The following NEURL1 variants were observed in gnomAD, a reference collection of about 807,000 sequenced individuals.
NEURL1 encodes E3 ubiquitin-protein ligase NEURL1.
A neutral mutation model predicts 41.2 loss-of-function variants in NEURL1; 26 were observed. That is an observed-to-expected ratio of 0.63 (90% CI 0.46 to 0.87). NEURL1 has a LOEUF of 0.87. NEURL1 is among the 40% of genes least tolerant of loss of function. The pLI, the probability that NEURL1 is intolerant of heterozygous loss-of-function variation, is 0.00. For synonymous variants in NEURL1, 400 were observed against 402.3 expected, an observed-to-expected ratio of 0.99 and a Z score of 0.07; for missense variants, 761 against 871.1, an observed-to-expected ratio of 0.87 and a Z score of 1.59.
intron 1 of NEURL1, among the ~76,000 whole-genome samples, chr10:103,510,367 C>T (rs1041351872): frequency 1.3e-5 from 2 of 152,234 alleles, no homozygotes; most frequent in African/African-American, 4.8e-5. Flanking sequence ...AGGACTCAGG[C>T]TGCCCTGGGC....
chr10:103,561,001 C>T (rs1298481150), intron 1 of NEURL1, among the ~76,000 whole-genome samples: 10 of 152,306 alleles, frequency 6.6e-5, no homozygotes, highest in East Asian at 3.9e-4. Flanking sequence ...TAGGTGCCTC[C>T]GGCTTCATGT....
intron 1 of NEURL1, among the ~76,000 whole-genome samples, chr10:103,528,161 G>T (rs2034499236): frequency 6.6e-6 from 1 of 152,138 alleles, no homozygotes; most frequent in African/African-American, 2.4e-5. Context: ...TTTGAGACCA[G>T]CCTGGCCAAC....
intron 1 of NEURL1, among the ~76,000 whole-genome samples, chr10:103,559,323 C>T (rs2035230856): frequency 6.6e-6 from 1 of 152,196 alleles, no homozygotes; most frequent in Non-Finnish European, 1.5e-5. Context: ...GGCATCCGGT[C>T]ACTCTAGCTC....
rs1319458115 is a variant in NEURL1 at position 103,556,944 on chromosome 10, C to A, written c.86-13928C>A. Among the ~76,000 whole-genome samples, 1 of 152,224 alleles carries A rather than the reference C, an allele frequency of 6.6e-6. No individual in the cohort carries two copies. The highest frequency in any genetic ancestry group is 1.5e-5 in the Non-Finnish European group (1 of 68,030). On this transcript the variant is annotated intron_variant, in intron 1 of 5. Transcript: ENST00000369780. The surrounding 1 kb of genome is among the most constrained non-coding windows in gnomAD (Gnocchi z 4.4). ...CTGTGGTCTGGGAAGGACAGAGAGG[C>A]TCTCAGAGCAGACTCAGGACATAGT...
intron 4 of NEURL1, among the ~76,000 whole-genome samples, 179 bp from the exon 5 acceptor site, chr10:103,589,335 T>A (rs1049109247): frequency 2.0e-5 from 3 of 152,186 alleles, no homozygotes; most frequent in African/African-American, 7.2e-5. Flanking sequence ...TTTAGCTGAT[T>A]AGCTATACTC....
chr10:103,502,681 G>A (rs567532576), intron 1 of NEURL1, among the ~76,000 whole-genome samples: 27 of 152,338 alleles, frequency 1.8e-4, no homozygotes, highest in African/African-American at 6.0e-4. Context: ...TCCAAGGTGT[G>A]CACAGTGAGG....
chr10:103,579,460 G>C (rs2035739792), intron 3 of NEURL1, among the ~76,000 whole-genome samples: 2 of 152,190 alleles, frequency 1.3e-5, no homozygotes, highest in South Asian at 4.1e-4. Context: ...GTTTTTCTAA[G>C]TCATGGTTAT....
intron 1 of NEURL1, among the ~76,000 whole-genome samples, chr10:103,551,604 C>T (rs2035033481): frequency 6.6e-6 from 1 of 152,068 alleles, no homozygotes. Flanking sequence ...GTGCCCGGCC[C>T]CAAATGAAAT....
intron 3 of NEURL1, among the ~76,000 whole-genome samples, chr10:103,575,235 C>T (rs1022899064): frequency 3.3e-5 from 5 of 151,860 alleles, no homozygotes; most frequent in Non-Finnish European, 1.5e-5. Flanking sequence ...GCTTTTCTCT[C>T]TCCCTTGACC....
intron 4 of NEURL1, among the ~76,000 whole-genome samples, chr10:103,586,174 T>C (rs1196383191): frequency 6.6e-6 from 1 of 152,156 alleles, no homozygotes; most frequent in Non-Finnish European, 1.5e-5. Flanking sequence ...GAGCCTTTAA[T>C]ATGCACTTTG....
At chr10:103,552,793 G>T (rs1356712405) in intron 1 of NEURL1, among the ~76,000 whole-genome samples, 1 of 152,122 alleles carries the variant, frequency 6.6e-6, no homozygotes, top group Non-Finnish European at 1.5e-5. Context: ...AGCAGATAGG[G>T]CCCCAGCCAG....
chr10:103,584,659 C>G lies in NEURL1; in HGVS notation c.773C>G (p.Pro258Arg), dbSNP rs1180852564. The change falls in exon 4 of 6, where the codon CCG becomes CGG. Residue 258 changes from proline to arginine, a missense_variant. Around this residue, in one of 5 missense-constraint regions of NEURL1, gnomAD observed 443 missense variants for 408.1 expected, o/e 1.09. Transcript: ENST00000369780. ...LSVSLCDLNV[P>R]GADGDEAAPA... is the part of the protein sequence containing the mutation. ...GTGAGCCTATGCGACCTCAACGTGC[C>G]GGGCGCGGACGGCGACGAGGCCGCG... The G allele has an allele frequency of 7.0e-7, 1 of 1,424,328 alleles. No homozygotes were observed. The highest frequency in any genetic ancestry group is 9.1e-7 in the Non-Finnish European group (1 of 1,095,276). 88.2% of individuals were successfully genotyped at this position (1,424,328 alleles called of 1,614,324 possible).
At chr10:103,544,461 C>G (rs2034887250) in intron 1 of NEURL1, among the ~76,000 whole-genome samples, 1 of 152,110 alleles carries the variant, frequency 6.6e-6, no homozygotes, top group African/African-American at 2.4e-5. Context: ...CCAAATGATC[C>G]CCATCCCACA....
At chr10:103,588,305 CAAAAA>C (rs10678308) in intron 4 of NEURL1, among the ~76,000 whole-genome samples, 2 of 115,892 alleles carry the variant, frequency 1.7e-5, no homozygotes, top group Non-Finnish European at 1.8e-5. Context: ...GACTCCGTCT[CAAAAA>C]AAAAAAAAAA....
At position 103,502,112 on chromosome 10, in the gene NEURL1, G is replaced by A. The variant is rs577318233; in HGVS notation, c.85+7640G>A. On this transcript the variant is annotated intron_variant, in intron 1 of 5. Transcript: ENST00000369780. ...CACGAGACAGCTGAGATTAATGGAT[G>A]TGAAGAGTGCTGCCCAGAAACACTG... is the stretch of plus-strand genomic sequence containing the variant. Among the ~76,000 whole-genome samples the A allele has an allele frequency of 2.0e-5, 3 of 152,330 alleles. No homozygotes were observed. The East Asian group carries it at 5.8e-4, about 29-fold the overall frequency.
intron 1 of NEURL1, among the ~76,000 whole-genome samples, chr10:103,520,714 G>C (rs1020113279): frequency 1.3e-5 from 2 of 152,076 alleles, no homozygotes; most frequent in African/African-American, 4.8e-5. Flanking sequence ...GAAAATTTTG[G>C]GGGGTGGTAT....
At chr10:103,579,450 GT>G (rs1310170522) in intron 3 of NEURL1, among the ~76,000 whole-genome samples, 2 of 152,168 alleles carry the variant, frequency 1.3e-5, no homozygotes, top group Non-Finnish European at 2.9e-5. Flanking sequence ...CACCAGGAGA[GT>G]TTTTCTAAGT....
rs1028685755 is a variant in NEURL1, at chr10:103,493,776, G to T, written c.-612G>T. On this transcript the variant is annotated 5_prime_UTR_variant, in exon 1 of 6. Coordinates refer to ENST00000369780, the MANE Select transcript of NEURL1 (RefSeq NM_004210.5). Reference sequence around the variant, plus strand: ...GGGAATCCTGGAGACTGCCGGGGCGGGGGGCGGGGGCGGCGGTCGCAGGAG... The same window carrying T: ...GGGAATCCTGGAGACTGCCGGGGCGTGGGGCGGGGGCGGCGGTCGCAGGAG... Among the ~76,000 whole-genome samples the T allele has an allele frequency of 6.6e-6, 1 of 151,976 alleles. No homozygotes were observed. The highest frequency in any genetic ancestry group is 6.5e-5 in the Admixed American group (1 of 15,272).
intron 1 of NEURL1, among the ~76,000 whole-genome samples, chr10:103,543,010 G>A (rs564157150): frequency 1.3e-5 from 2 of 152,324 alleles, no homozygotes; most frequent in East Asian, 1.9e-4. Flanking sequence ...ACAGGCAATT[G>A]CAGTGGGCTT....
Sources: gnomAD v4.1 joint callset for allele counts (sites outside exome capture counted in the v4.1 genomes callset) on GRCh38, gnomAD v4.1.1 for gene constraint, gnomAD v4.1.1 regional missense constraint, Gnocchi (gnomAD v3.1) non-coding constraint, MANE v1.5 for transcripts, NCBI Gene and HGNC (gene_info 2026-07-23, HGNC 2026-07-21) for gene names.